Variants in ANK2 observed in about 807,000 individuals in gnomAD.
ANK2 encodes the protein ankyrin 2.
ANK2 carries 83 observed loss-of-function variants against 360.5 expected under a neutral mutation model. The observed-to-expected ratio is 0.23, with a 90% CI of 0.19 to 0.28. The LOEUF (loss-of-function observed/expected upper bound fraction) is 0.28. Ranked by LOEUF, ANK2 falls within the 10% of genes least tolerant of loss-of-function variation. The pLI is 1.00. For missense variants in ANK2, 4,201 were observed against 4,795.7 expected, an observed-to-expected ratio of 0.88 and a Z score of 3.66; for synonymous variants, 1,740 against 1,759.5, an observed-to-expected ratio of 0.99 and a Z score of 0.28.
intron 45 of ANK2, among the ~76,000 whole-genome samples, chr4:113,379,959 C>T (rs4834332): frequency 6.6e-6 from 1 of 152,054 alleles, no homozygotes; most frequent in African/African-American, 2.4e-5. Flanking sequence ...TTTCCTATGG[C>T]GGTTTTAAGT....
At chr4:113,115,947 C>G (rs1023071332) in intron 1 of ANK2, among the ~76,000 whole-genome samples, 1 of 152,128 alleles carries the variant, frequency 6.6e-6, no homozygotes, top group Non-Finnish European at 1.5e-5. Flanking sequence ...CGTCCATAGT[C>G]CTCTATATAC....
At chr4:113,368,031 GTGTT>G (rs1024570213) in intron 42 of ANK2, among the ~76,000 whole-genome samples, 180 bp downstream of exon 42, 1 of 152,206 alleles carries the variant, frequency 6.6e-6, no homozygotes, top group Non-Finnish European at 1.5e-5. Context: ...AATTGTGACA[GTGTT>G]TGGGGCACAG....
chr4:112,799,172 C>T, the ANK2 span, among the ~76,000 whole-genome samples: 3 of 152,276 alleles, frequency 2.0e-5, no homozygotes, highest in Non-Finnish European at 2.9e-5. Flanking sequence ...AGCTAAATAA[C>T]GTTCCATTGT....
intron 13 of ANK2, 82 bp downstream of exon 13, chr4:113,258,493 C>T (rs1307350217): frequency 3.6e-5 from 49 of 1,349,666 alleles, no homozygotes; most frequent in Non-Finnish European, 4.9e-5. Flanking sequence ...TGTGTGTTTG[C>T]GTGTATGTCA....
chr4:113,122,444 T>A (rs140228387), intron 1 of ANK2, among the ~76,000 whole-genome samples: 275 of 152,284 alleles, frequency 1.8e-3, no homozygotes, highest in African/African-American at 6.3e-3. Flanking sequence ...TATAATGTGT[T>A]ACATTCTAGA....
At position 113,214,537 on chromosome 4, in the gene ANK2, T is replaced by C; in HGVS notation, c.384+15428T>C. 2 of 569,202 alleles carry C rather than the reference T, an allele frequency of 3.5e-6. 1 individual carries two copies. Among genetic ancestry groups the C allele is most frequent in the Non-Finnish European group, 6.2e-6 (2 of 323,270 alleles). The allele number at this position is 569,202 out of a possible 1,614,324, so 35.3% of individuals were successfully genotyped here. On this transcript the variant is annotated intron_variant, in intron 4 of 45. Coordinates refer to ENST00000357077, the MANE Select transcript of ANK2 (RefSeq NM_001148.6). Reference sequence around the variant, plus strand: ...ATTAATTTATTAAGAGCCTGTTGCTTATAATATTCAATACCATGAATCACA... The same window carrying C: ...ATTAATTTATTAAGAGCCTGTTGCTCATAATATTCAATACCATGAATCACA...
chr4:113,331,574 G>A (rs536059269), intron 27 of ANK2, among the ~76,000 whole-genome samples: 18 of 152,194 alleles, frequency 1.2e-4, no homozygotes, highest in South Asian at 1.0e-3. Flanking sequence ...TGTTCCCCTC[G>A]TGCTCAGATA....
intron 2 of ANK2, among the ~76,000 whole-genome samples, chr4:113,193,444 G>A (rs1584497758): frequency 1.3e-5 from 2 of 152,200 alleles, no homozygotes; most frequent in African/African-American, 4.8e-5. Context: ...TTGGTTTAGA[G>A]AAGCCGCTGT....
intron 2 of ANK2, among the ~76,000 whole-genome samples, chr4:113,185,330 A>G (rs886088437): frequency 1.3e-5 from 2 of 152,182 alleles, no homozygotes; most frequent in African/African-American, 2.4e-5. Flanking sequence ...ACTCCCACCA[A>G]TACTGTAAAA....
chr4:112,863,699 T>C (rs1324865191), intron 1 of ANK2, among the ~76,000 whole-genome samples: 1 of 152,006 alleles, frequency 6.6e-6, no homozygotes, highest in African/African-American at 2.4e-5. Context: ...ATTTTTTGTA[T>C]TTTTAGTAGA....
intron 1 of ANK2, among the ~76,000 whole-genome samples, chr4:113,165,028 C>G (rs2097702627): frequency 6.6e-6 from 1 of 151,656 alleles, no homozygotes; most frequent in Admixed American, 6.6e-5. Flanking sequence ...TTTTGATGAC[C>G]AGTGATGATC....
At chr4:113,187,974 C>A (rs2153334708) in intron 2 of ANK2, among the ~76,000 whole-genome samples, 2 of 152,238 alleles carry the variant, frequency 1.3e-5, no homozygotes, top group South Asian at 4.1e-4. Flanking sequence ...GTATGTGTTA[C>A]ATAGTGTGTG....
chr4:113,280,603 C>T lies in ANK2; in HGVS notation c.1881+2045C>T, dbSNP rs1002287495. 3.3e-5 allele frequency among the ~76,000 whole-genome samples: 5 copies of T among 152,300 alleles called. No individual in the cohort carries two copies. The East Asian group carries it at 9.6e-4, about 29-fold the overall frequency. On this transcript the variant is annotated intron_variant, in intron 17 of 45. Transcript: ENST00000357077. The stretch of plus-strand genomic sequence containing the variant: ...TAATGTCTCCTCTCCTTAATACACA[C>T]GGTCCTTTGGCCACGAGAACTTTGC...
chr4:113,252,133 C>T (rs577066959), intron 10 of ANK2, among the ~76,000 whole-genome samples: 123 of 152,266 alleles, frequency 8.1e-4, no homozygotes, highest in South Asian at 2.7e-3. Context: ...GTGAAAGGCA[C>T]GTCTCACATG....
At chr4:112,869,047 A>G (rs1315596948) in intron 1 of ANK2, among the ~76,000 whole-genome samples, 1 of 151,962 alleles carries the variant, frequency 6.6e-6, no homozygotes, top group African/African-American at 2.4e-5. Context: ...TGCAGTCTCC[A>G]ATTTCTGGGT....
At chr4:112,788,660 C>T in the ANK2 span, 2 of 1,601,060 alleles carry the variant, frequency 1.2e-6, no homozygotes, top group East Asian at 4.5e-5. Context: ...GCACTTTCAG[C>T]CGCTTATAGA....
intron 2 of ANK2, among the ~76,000 whole-genome samples, chr4:112,910,547 G>T (rs1309453698): frequency 6.6e-6 from 1 of 152,208 alleles, no homozygotes; most frequent in Admixed American, 6.5e-5. Context: ...GTGGCAGCCA[G>T]CAGAGGGAGA....
At chr4:113,250,286 G>A (rs2045430918) in intron 10 of ANK2, among the ~76,000 whole-genome samples, 1 of 152,060 alleles carries the variant, frequency 6.6e-6, no homozygotes. Context: ...TATCTCTTAG[G>A]CAATACTAAT....
At chr4:113,188,485 A>G (rs1460501357) in intron 2 of ANK2, among the ~76,000 whole-genome samples, 1 of 152,148 alleles carries the variant, frequency 6.6e-6, no homozygotes, top group African/African-American at 2.4e-5. Context: ...CCCTAAGAAA[A>G]TACATCTGTG....
Sources: allele counts gnomAD v4.1 joint callset (sites outside exome capture counted in the v4.1 genomes callset), GRCh38; gene constraint gnomAD v4.1.1; transcripts MANE v1.5; gene names NCBI Gene and HGNC (gene_info 2026-07-23, HGNC 2026-07-21).